Variants in ATXN10 observed in about 807,000 individuals in gnomAD.
ATXN10 encodes the protein ataxin-10.
In ATXN10, 28 loss-of-function variants were observed where a neutral mutation model predicts 52.9. The ratio of observed to expected loss-of-function variants is 0.53; its 90% CI spans 0.39 to 0.73. ATXN10 has a LOEUF of 0.73. Among genes scored for constraint, ATXN10 ranks in the 30% least tolerant of loss-of-function variants. The pLI is 0.00. For synonymous variants in ATXN10, 226 were observed against 221.5 expected, an observed-to-expected ratio of 1.02 and a Z score of -0.18; for missense variants, 565 against 577.0, an observed-to-expected ratio of 0.98 and a Z score of 0.21.
rs907477062 is a variant in ATXN10 at position 45,750,421 on chromosome 22, G to T, written c.1173+9883G>T. 1.6e-4 allele frequency among the ~76,000 whole-genome samples: 24 copies of T among 152,136 alleles called. No individual in the cohort carries two copies. Among genetic ancestry groups the T allele is most frequent in the African/African-American group, 5.8e-4 (24 of 41,414 alleles). ...GACAACAGTGATTTTAAATGGATTT[G>T]TGTTTAACAGTAAAAAACAATTATT... On this transcript the variant is annotated intron_variant, in intron 9 of 11. Coordinates refer to ENST00000252934, the MANE Select transcript of ATXN10 (RefSeq NM_013236.4). The surrounding 1 kb of genome is among the most constrained non-coding windows in gnomAD (Gnocchi z 4.2).
chr22:45,758,401 A>T (rs573217676), intron 9 of ATXN10, among the ~76,000 whole-genome samples: 3 of 152,364 alleles, frequency 2.0e-5, no homozygotes, highest in African/African-American at 7.2e-5. Context: ...TTACATATTC[A>T]TGGCTTGAGC....
intron 9 of ATXN10, among the ~76,000 whole-genome samples, chr22:45,797,823 A>G (rs900020575): frequency 2.0e-5 from 3 of 152,208 alleles, no homozygotes; most frequent in East Asian, 1.9e-4. Context: ...TGTCAAGAAA[A>G]TGACACAAAA....
chr22:45,824,151 G>A lies in ATXN10; in HGVS notation c.1237+17129G>A, dbSNP rs577390362. ...CTGCTGAGTGTAGTCAGCCCGTCCT[G>A]TTTTCCCTTCCGGCACTCTGGCCAC... On this transcript the variant is annotated intron_variant, in intron 10 of 11. Transcript: ENST00000252934. This position sits in a 1 kb window ranked among gnomAD's most constrained non-coding sequence, Gnocchi z 5.2. 9.7e-4 allele frequency among the ~76,000 whole-genome samples: 147 copies of A among 152,182 alleles called. No homozygotes were observed. The highest frequency in any genetic ancestry group is 1.5e-3 in the Admixed American group (23 of 15,294).
chr22:45,751,194 G>A (rs188680038), intron 9 of ATXN10, among the ~76,000 whole-genome samples: 3 of 152,168 alleles, frequency 2.0e-5, no homozygotes, highest in Non-Finnish European at 4.4e-5. Flanking sequence ...GCCTCCCAAA[G>A]TGCTGGGATT....
chr22:45,824,253 C>T lies in ATXN10; in HGVS notation c.1237+17231C>T, dbSNP rs908738835. On this transcript the variant is annotated intron_variant, in intron 10 of 11. Coordinates refer to ENST00000252934, the MANE Select transcript of ATXN10 (RefSeq NM_013236.4). This position sits in a 1 kb window ranked among gnomAD's most constrained non-coding sequence, Gnocchi z 5.2. ...CTGTTCCTCTCACTGGAGTTCTCCC[C>T]TTTCTACATTTGGCCAACTCCTACT... Among the ~76,000 whole-genome samples, 37 of 152,112 alleles carry T rather than the reference C, an allele frequency of 2.4e-4. No individual in the cohort carries two copies. The highest frequency in any genetic ancestry group is 8.4e-4 in the African/African-American group (35 of 41,422).
At chr22:45,801,253 G>A (rs1461085737) in intron 9 of ATXN10, among the ~76,000 whole-genome samples, 1 of 152,188 alleles carries the variant, frequency 6.6e-6, no homozygotes, top group South Asian at 2.1e-4. Flanking sequence ...CTGGGGTTGG[G>A]ACCACAGCAC....
intron 3 of ATXN10, among the ~76,000 whole-genome samples, chr22:45,694,359 AT>A (rs918742847): frequency 4.6e-5 from 7 of 152,216 alleles, no homozygotes; most frequent in African/African-American, 1.7e-4. Flanking sequence ...TGATAAAAAA[AT>A]CTTAATGTAG....
At chr22:45,756,127 A>G (rs1926165788) in intron 9 of ATXN10, among the ~76,000 whole-genome samples, 1 of 152,030 alleles carries the variant, frequency 6.6e-6, no homozygotes, top group South Asian at 2.1e-4. Context: ...TTAAAATGGA[A>G]TTCTCTTTGT....
intron 1 of ATXN10, among the ~76,000 whole-genome samples, chr22:45,682,189 G>A (rs988704443): frequency 1.3e-5 from 2 of 152,082 alleles, no homozygotes; most frequent in African/African-American, 4.8e-5. Context: ...ATCCTTCCCG[G>A]ATCTCAGAAC....
chr22:45,752,610 G>A lies in ATXN10; in HGVS notation c.1173+12072G>A, dbSNP rs557714159. The stretch of plus-strand genomic sequence containing the variant: ...GGGGCTGGGGCTGTGCCAGAGAGCT[G>A]GCCCCTTGGCTGCACGATGGGCTCT... On this transcript the variant is annotated intron_variant, in intron 9 of 11. Transcript: ENST00000252934. Among the ~76,000 whole-genome samples, 256 of 151,618 alleles carry A rather than the reference G, an allele frequency of 1.7e-3. 1 individual carries two copies. Among genetic ancestry groups the A allele is most frequent in the African/African-American group, 5.6e-3 (230 of 41,172 alleles).
At chr22:45,694,140 C>T (rs970283290) in intron 3 of ATXN10, among the ~76,000 whole-genome samples, 4 of 151,988 alleles carry the variant, frequency 2.6e-5, no homozygotes, top group African/African-American at 9.7e-5. Flanking sequence ...TGATTGTTAA[C>T]GGTTGTTGAC....
chr22:45,752,925 G>C (rs754571210), intron 9 of ATXN10, among the ~76,000 whole-genome samples: 3 of 151,892 alleles, frequency 2.0e-5, no homozygotes, highest in Non-Finnish European at 2.9e-5. Context: ...GTAGAGGTGG[G>C]GTTTTCCCAT....
At position 45,823,244 on chromosome 22, in the gene ATXN10, T is replaced by C; in HGVS notation, c.1237+16222T>C. ...CTTCTGTTCTGACTTCTATGATGTT[T>C]TAATGAATAAAAATTCCCAATTTTA... On this transcript the variant is annotated intron_variant, in intron 10 of 11. Coordinates refer to ENST00000252934, the MANE Select transcript of ATXN10 (RefSeq NM_013236.4). This position sits in a 1 kb window ranked among gnomAD's most constrained non-coding sequence, Gnocchi z 4.9. The C allele has an allele frequency of 2.2e-6, 1 of 463,000 alleles. No individual in the cohort carries two copies. The allele number at this position is 463,000 out of a possible 1,614,324, so 28.7% of individuals were successfully genotyped here. A position where few individuals can be genotyped will look rare whatever the true frequency, so the allele number is the denominator to read the frequency against.
At chr22:45,714,479 C>G (rs1924370915) in intron 5 of ATXN10, among the ~76,000 whole-genome samples, 1 of 152,124 alleles carries the variant, frequency 6.6e-6, no homozygotes, top group Non-Finnish European at 1.5e-5. Context: ...CTCCCAGGCT[C>G]AAGTAATCTT....
chr22:45,749,980 T>A (rs1389278000), intron 9 of ATXN10, among the ~76,000 whole-genome samples: 1 of 152,216 alleles, frequency 6.6e-6, no homozygotes, highest in Non-Finnish European at 1.5e-5. Context: ...ATTGGGGAAG[T>A]AATGTGCTGC....
At chr22:45,838,808 T>C (rs1419454878) in intron 10 of ATXN10, among the ~76,000 whole-genome samples, 1 of 152,192 alleles carries the variant, frequency 6.6e-6, no homozygotes, top group Non-Finnish European at 1.5e-5. Flanking sequence ...TCAAATTTCT[T>C]GAAAGAAACA....
rs1474942680 is a variant in ATXN10 at position 45,732,626 on chromosome 22, A to G, written c.894+3036A>G. ...ACTTTGCCAGTATTTAAATATGCCA[A>G]AGACCAAGTGCTATACTGGAGCTGG... On this transcript the variant is annotated intron_variant, in intron 7 of 11. Transcript: ENST00000252934. This position sits in a 1 kb window ranked among gnomAD's most constrained non-coding sequence, Gnocchi z 4.5. Among the ~76,000 whole-genome samples, 3 of 152,128 alleles carry G rather than the reference A, an allele frequency of 2.0e-5. No individual in the cohort carries two copies. Among genetic ancestry groups the G allele is most frequent in the African/African-American group, 2.4e-5 (1 of 41,486 alleles).
chr22:45,832,572 A>G (rs971857820), intron 10 of ATXN10, among the ~76,000 whole-genome samples: 3 of 152,242 alleles, frequency 2.0e-5, no homozygotes, highest in Non-Finnish European at 4.4e-5. Context: ...AAACGCCCCA[A>G]GGGCAGGGAC....
At position 45,795,310 on chromosome 22, in the gene ATXN10, A is replaced by G. The variant is rs1927670937; in HGVS notation, c.1174-11649A>G. ...ACTCAATCATGTTGATAAATATATT[A>G]AATGTAAATGGCTTAAATATCCAAC... On this transcript the variant is annotated intron_variant, in intron 9 of 11. Transcript: ENST00000252934. This position sits in a 1 kb window ranked among gnomAD's most constrained non-coding sequence, Gnocchi z 4.6. 6.6e-6 allele frequency among the ~76,000 whole-genome samples: 1 copy of G among 152,242 alleles called. No individual in the cohort carries two copies. The highest frequency in any genetic ancestry group is 6.5e-5 in the Admixed American group (1 of 15,284).
Sources: gnomAD v4.1 joint callset for allele counts (sites outside exome capture counted in the v4.1 genomes callset) on GRCh38, gnomAD v4.1.1 for gene constraint, Gnocchi (gnomAD v3.1) non-coding constraint, MANE v1.5 for transcripts, NCBI Gene and HGNC (gene_info 2026-07-23, HGNC 2026-07-21) for gene names.